SLC13A3: variants seen among roughly 807,000 people sequenced by gnomAD.
The protein encoded by SLC13A3 is solute carrier family 13 member 3, also known as Na(+)/dicarboxylate cotransporter 3.
In SLC13A3, 40 loss-of-function variants were observed where a neutral mutation model predicts 59.0. That is an observed-to-expected ratio of 0.68 (90% CI 0.53 to 0.88). The LOEUF (loss-of-function observed/expected upper bound fraction) is 0.88, where lower values mean the gene tolerates loss of function less well. Ranked by LOEUF, SLC13A3 falls within the 40% of genes least tolerant of loss-of-function variation. The pLI, the probability that SLC13A3 is intolerant of heterozygous loss-of-function variation, is 0.00. For synonymous variants in SLC13A3, 317 were observed against 330.3 expected, an observed-to-expected ratio of 0.96 and a Z score of 0.44; for missense variants, 699 against 783.2, an observed-to-expected ratio of 0.89 and a Z score of 1.28.
rs532691398 is a variant in SLC13A3, at chr20:46,619,763, C to T, written c.112-6038G>A. Among the ~76,000 whole-genome samples, 37 of 152,252 alleles carry T rather than the reference C, an allele frequency of 2.4e-4. 1 individual carries two copies. The South Asian group carries it at 7.7e-3, about 32-fold the overall frequency. On this transcript the variant is annotated intron_variant, in intron 1 of 12. Coordinates refer to ENST00000279027, the MANE Select transcript of SLC13A3 (RefSeq NM_022829.6). ...CTTCATCTAGTGAATTATGACTCAT[C>T]TTGTAAAGGCCATTTTTATCCTGTG...
chr20:46,646,213 C>T (rs998656301), intron 1 of SLC13A3, among the ~76,000 whole-genome samples: 4 of 152,104 alleles, frequency 2.6e-5, no homozygotes, highest in Admixed American at 6.6e-5. Flanking sequence ...ACTTCCTGGC[C>T]GCTCTCACTT....
intron 1 of SLC13A3, among the ~76,000 whole-genome samples, chr20:46,669,835 T>C (rs951688826): frequency 7.2e-5 from 11 of 152,186 alleles, no homozygotes; most frequent in Non-Finnish European, 1.6e-4. Context: ...TTTTTCAACT[T>C]TACAATGGAT....
chr20:46,628,197 C>T (rs945520827), intron 1 of SLC13A3, among the ~76,000 whole-genome samples: 17 of 152,288 alleles, frequency 1.1e-4, no homozygotes, highest in African/African-American at 3.6e-4. Context: ...CTGCTCCTTT[C>T]AATTTTAACT....
intron 1 of SLC13A3, among the ~76,000 whole-genome samples, chr20:46,638,022 G>A (rs2122842511): frequency 6.6e-6 from 1 of 152,304 alleles, no homozygotes; most frequent in African/African-American, 2.4e-5. Flanking sequence ...TAGTGGGGGT[G>A]AGAATGTCCT....
intron 6 of SLC13A3, 44 bp downstream of exon 6, chr20:46,592,360 T>C (rs2062268155): frequency 5.0e-6 from 8 of 1,609,862 alleles, no homozygotes; most frequent in Non-Finnish European, 5.9e-6. Context: ...GAAACGCCAT[T>C]CCCTGCTTCC....
chr20:46,590,010 G>C (rs923079065), intron 6 of SLC13A3, among the ~76,000 whole-genome samples: 2 of 152,116 alleles, frequency 1.3e-5, no homozygotes, highest in Admixed American at 6.5e-5. Context: ...CCTTGGAATA[G>C]GCAACAGTTT....
intron 1 of SLC13A3, among the ~76,000 whole-genome samples, chr20:46,664,210 G>C (rs2122918721): frequency 6.6e-6 from 1 of 152,266 alleles, no homozygotes; most frequent in East Asian, 1.9e-4. Flanking sequence ...CTTGGATTGA[G>C]AACCACTGTC....
At chr20:46,569,330 T>C (rs183325279) in intron 10 of SLC13A3, among the ~76,000 whole-genome samples, 1 of 152,206 alleles carries the variant, frequency 6.6e-6, no homozygotes, top group African/African-American at 2.4e-5. Context: ...CTTTGTTTCC[T>C]TGGAAACACA....
chr20:46,678,855 GA>G (rs921585668), intron 1 of SLC13A3, among the ~76,000 whole-genome samples: 1 of 152,166 alleles, frequency 6.6e-6, no homozygotes, highest in African/African-American at 2.4e-5. Flanking sequence ...GATCCCTCGT[GA>G]ATGGCTTGGT....
chr20:46,649,657 C>T lies in SLC13A3; in HGVS notation c.111+1654G>A, dbSNP rs140532936. On this transcript the variant is annotated intron_variant, in intron 1 of 12. Coordinates refer to ENST00000279027, the MANE Select transcript of SLC13A3 (RefSeq NM_022829.6). Reference sequence around the variant, plus strand: ...CAATCCCAGAAGCTAGCGGTGTAATCGCTCCACTTACAGGGAAGCAAAACC... The same window carrying T: ...CAATCCCAGAAGCTAGCGGTGTAATTGCTCCACTTACAGGGAAGCAAAACC... Among the ~76,000 whole-genome samples the T allele has an allele frequency of 2.5e-3, 386 of 152,254 alleles. 2 individuals carry two copies. The highest frequency in any genetic ancestry group is 8.9e-3 in the African/African-American group (370 of 41,538).
At chr20:46,601,857 A>G (rs1456857766) in intron 3 of SLC13A3, among the ~76,000 whole-genome samples, 2 of 151,972 alleles carry the variant, frequency 1.3e-5, no homozygotes, top group African/African-American at 2.4e-5. Flanking sequence ...CAGAGGGAGG[A>G]GAAGAGTAAG....
upstream of SLC13A3, among the ~76,000 whole-genome samples, chr20:46,653,336 G>C (rs140328116): frequency 1.3e-5 from 2 of 152,126 alleles, no homozygotes; most frequent in African/African-American, 2.4e-5. Context: ...AGAGTTTCTC[G>C]TATGTTTAGT....
rs201441953 is a variant in SLC13A3, at chr20:46,583,629, T to C, written c.1162A>G (p.Ile388Val). Residue 388 changes from isoleucine to valine, a missense_variant, in exon 9 of 13, where the codon ATC becomes GTC. Coordinates refer to ENST00000279027, the MANE Select transcript of SLC13A3 (RefSeq NM_022829.6). ...DAVTGVAIVT[I>V]LFFFPSQRPS... is the part of the protein sequence containing the mutation. ...CTTTGGGACGGGAAGAAGAACAAGA[T>C]GGTGACAATAGCCACGCCGGTGACA... 18 of 1,613,130 alleles carry C rather than the reference T, an allele frequency of 1.1e-5. No individual in the cohort carries two copies. Among genetic ancestry groups the C allele is most frequent in the Admixed American group, 5.0e-5 (3 of 59,842 alleles).
At chr20:46,684,334 C>T (rs1348988757) in intron 1 of SLC13A3, 3 of 152,226 alleles carry the variant, frequency 2.0e-5, no homozygotes. Flanking sequence ...TCCGTTCTCA[C>T]ACTGCTGATA....
Position 46,596,213 on chromosome 20 carries a change from GCCC to G in SLC13A3, c.735_737del (p.Gly246del). On this transcript the variant is annotated inframe_deletion, in exon 5 of 13. Coordinates refer to ENST00000279027, the MANE Select transcript of SLC13A3 (RefSeq NM_022829.6). ...GGGCTGTGCCCGTGAGTGTGGCTGT[GCCC>G]CCAATACTGGCTGAGTAGGGGATGG... is the stretch of plus-strand genomic sequence containing the variant. 7 of 1,614,114 alleles carry G rather than the reference GCCC, an allele frequency of 4.3e-6. No homozygotes were observed. Among genetic ancestry groups the G allele is most frequent in the Non-Finnish European group, 5.9e-6 (7 of 1,180,028 alleles).
chr20:46,563,464 G>A lies in SLC13A3; in HGVS notation c.1582C>T (p.Pro528Ser), dbSNP rs770798414. The A allele has an allele frequency of 4.3e-6, 7 of 1,614,054 alleles. No homozygotes were observed. Among genetic ancestry groups the A allele is most frequent in the East Asian group, 2.2e-5 (1 of 44,854 alleles). ...GAGGCGAAGGCGATGGAGTTGGGGG[G>A]CGTTGAGACCGGGAGCATGAAGGCA... ...SFAFMLPVST[P>S]PNSIAFASGH... is the part of the protein sequence containing the mutation. Residue 528 changes from proline to serine, a missense_variant, in exon 12 of 13, where the codon CCC (proline) becomes TCC (serine). Transcript: ENST00000279027.
chr20:46,568,709 G>A (rs1029734616), intron 10 of SLC13A3, among the ~76,000 whole-genome samples: 1 of 152,178 alleles, frequency 6.6e-6, no homozygotes, highest in African/African-American at 2.4e-5. Flanking sequence ...CACAGCTCTG[G>A]CAAAGAGTCT....
rs532190681 is a variant in SLC13A3 at position 46,563,580 on chromosome 20, G to C, written c.1495-29C>G. ...GGCCAGGAAAAGGTGGGAGAGACCC[G>C]GAGAGAGACCAACGCAGAGCGACCA... On this transcript the variant is annotated intron_variant, in intron 11 of 12. Coordinates refer to ENST00000279027, the MANE Select transcript of SLC13A3 (RefSeq NM_022829.6). 4.7e-5 allele frequency: 76 copies of C among 1,606,082 alleles called. No homozygotes were observed. In the Middle Eastern group the frequency reaches 1.5e-3, roughly 32 times the overall value.
chr20:46,600,427 G>A (rs1040838781), intron 3 of SLC13A3, among the ~76,000 whole-genome samples: 20 of 141,216 alleles, frequency 1.4e-4, no homozygotes, highest in African/African-American at 3.6e-4. Context: ...GGAAGGAAAG[G>A]AAGGAAGGAA....
Sources: allele counts gnomAD v4.1 joint callset (sites outside exome capture counted in the v4.1 genomes callset), GRCh38; gene constraint gnomAD v4.1.1; transcripts MANE v1.5; gene names NCBI Gene and HGNC (gene_info 2026-07-23, HGNC 2026-07-21).